WRN: variants seen among roughly 807,000 people sequenced by gnomAD.
WRN encodes the protein bifunctional 3'-5' exonuclease/ATP-dependent helicase WRN.
Under a neutral mutation model 180.7 loss-of-function variants are expected in WRN, and 149 were observed. The observed-to-expected ratio is 0.82, with a 90% CI of 0.72 to 0.94. WRN has a LOEUF of 0.94. Among genes scored for constraint, WRN ranks in the 40% least tolerant of loss-of-function variants. The pLI, the probability that WRN is intolerant of heterozygous loss-of-function variation, is 0.00. For synonymous variants in WRN, 548 were observed against 568.9 expected (o/e 0.96, Z 0.52); for missense variants, 1,661 against 1,700.1 (o/e 0.98, Z 0.40).
chr8:31,155,432 G>T (rs560519974), intron 32 of WRN, among the ~76,000 whole-genome samples: 106 of 152,136 alleles, frequency 7.0e-4, no homozygotes, highest in Non-Finnish European at 1.2e-3. Flanking sequence ...AGACCAGTTG[G>T]ACAACATAGG....
intron 1 of WRN, among the ~76,000 whole-genome samples, chr8:31,046,580 C>G (rs1811871755): frequency 6.6e-6 from 1 of 152,120 alleles, no homozygotes. Flanking sequence ...TGCATTTTTC[C>G]AATCTCTTCT....
chr8:31,080,375 A>G (rs1201162982), intron 8 of WRN, among the ~76,000 whole-genome samples: 2 of 152,144 alleles, frequency 1.3e-5, no homozygotes, highest in African/African-American at 4.8e-5. Flanking sequence ...CACCTGAAGC[A>G]ATCTGAGTGC....
At chr8:31,047,131 A>G (rs1298705281) in intron 1 of WRN, among the ~76,000 whole-genome samples, 1 of 147,238 alleles carries the variant, frequency 6.8e-6, no homozygotes. Context: ...TCTACCTGGC[A>G]ATGCTGATTT....
chr8:31,151,001 T>G (rs1392106620), intron 31 of WRN, among the ~76,000 whole-genome samples: 1 of 152,174 alleles, frequency 6.6e-6, no homozygotes, highest in Non-Finnish European at 1.5e-5. Context: ...GGATTTTCTC[T>G]AAACTCCACG....
rs1804200858 is a variant in WRN, at chr8:31,174,288, C to A, written c.*1186C>A. ...TGCATCTGCAATACCCTGTGAATATCCTGTGTGATGGAGTGGCAAGTACGC... is the reference window on the plus strand; with the variant it reads ...TGCATCTGCAATACCCTGTGAATATACTGTGTGATGGAGTGGCAAGTACGC... On this transcript the variant is annotated 3_prime_UTR_variant, in exon 35 of 35. Transcript: ENST00000298139. Among the ~76,000 whole-genome samples, 1 of 152,192 alleles carries A rather than the reference C, an allele frequency of 6.6e-6. No homozygotes were observed. The highest frequency in any genetic ancestry group is 6.5e-5 in the Admixed American group (1 of 15,278).
chr8:31,055,415 C>T (rs1356585780), intron 1 of WRN, among the ~76,000 whole-genome samples: 2 of 152,072 alleles, frequency 1.3e-5, no homozygotes, highest in African/African-American at 4.8e-5. Flanking sequence ...CCTGTTGTTT[C>T]TTGATTTTTT....
chr8:31,115,046 C>A (rs552431867), intron 19 of WRN, among the ~76,000 whole-genome samples: 1 of 152,108 alleles, frequency 6.6e-6, no homozygotes, highest in African/African-American at 2.4e-5. Flanking sequence ...CAGGTGCATG[C>A]CACCATGCCC....
In WRN at chr8:31,083,730, C is replaced by T. The variant is rs761035278; in HGVS notation, c.1301C>T (p.Thr434Met). The T allele has an allele frequency of 9.3e-6, 15 of 1,610,930 alleles. No individual in the cohort carries two copies. Among genetic ancestry groups the T allele is most frequent in the African/African-American group, 2.7e-5 (2 of 74,720 alleles). ...TCTCCCAATGATAATGAAAACGATA[C>T]GTCCTATGTAATTGAGAGTGATGAA... is the stretch of plus-strand genomic sequence containing the variant. ...HLSPNDNEND[T>M]SYVIESDEDL... Residue 434 changes from threonine (T) to methionine (M), a missense_variant, in exon 10 of 35, where the codon ACG (threonine) becomes ATG (methionine). By Grantham distance (81) the Thr-to-Met change is moderately conservative. Transcript: ENST00000298139.
At chr8:31,049,751 CCTCT>C (rs1333967374) in intron 1 of WRN, among the ~76,000 whole-genome samples, 1 of 151,974 alleles carries the variant, frequency 6.6e-6, no homozygotes, top group Non-Finnish European at 1.5e-5. Flanking sequence ...AGATTCCTGA[CCTCT>C]CTAAGGGGAT....
intron 5 of WRN, among the ~76,000 whole-genome samples, chr8:31,066,311 G>A (rs183227625): frequency 3.9e-4 from 60 of 151,970 alleles, no homozygotes; most frequent in African/African-American, 1.3e-3. Flanking sequence ...TCAGCCTCCC[G>A]AGTAGCTGGC....
At chr8:31,048,758 A>G (rs1323152897) in intron 1 of WRN, among the ~76,000 whole-genome samples, 1 of 152,212 alleles carries the variant, frequency 6.6e-6, no homozygotes, top group Non-Finnish European at 1.5e-5. Flanking sequence ...AAAGATTCTA[A>G]TGAAAATTAG....
At chr8:31,084,252 G>C (rs1198007054) in intron 10 of WRN, among the ~76,000 whole-genome samples, 1 of 152,074 alleles carries the variant, frequency 6.6e-6, no homozygotes, top group Non-Finnish European at 1.5e-5. Context: ...ACCCGCCTTG[G>C]CCTCCCAAAG....
chr8:31,052,216 G>A (rs1337759977), intron 1 of WRN, among the ~76,000 whole-genome samples: 2 of 152,046 alleles, frequency 1.3e-5, no homozygotes, highest in South Asian at 2.1e-4. Context: ...ACATACTTTT[G>A]TCCCCTGATT....
intron 8 of WRN, among the ~76,000 whole-genome samples, chr8:31,077,329 C>T (rs1264870385): frequency 1.3e-5 from 2 of 152,148 alleles, no homozygotes; most frequent in East Asian, 3.9e-4. Flanking sequence ...CAAGCTCCGC[C>T]TCCCGGGTTC....
intron 1 of WRN, among the ~76,000 whole-genome samples, chr8:31,052,011 T>C (rs1274227575): frequency 6.6e-6 from 1 of 152,258 alleles, no homozygotes; most frequent in Non-Finnish European, 1.5e-5. Context: ...GTAACGTTGT[T>C]ATGCTTAAGT....
chr8:31,147,840 C>T lies in WRN; in HGVS notation c.3572+364C>T, dbSNP rs994361241. Reference sequence around the variant, plus strand: ...TTAAAACCTCTGATCTGAATTTTCTCTCCTCCAATATAAAACCCCTTCGTC... The same window carrying T: ...TTAAAACCTCTGATCTGAATTTTCTTTCCTCCAATATAAAACCCCTTCGTC... On this transcript the variant is annotated intron_variant, in intron 30 of 34. Transcript: ENST00000298139. 4.6e-5 allele frequency among the ~76,000 whole-genome samples: 7 copies of T among 151,774 alleles called. No individual in the cohort carries two copies. In the East Asian group the frequency reaches 1.4e-3, roughly 29 times the overall value.
intron 8 of WRN, 39 bp from the exon 9 acceptor site, chr8:31,080,828 A>G (rs1043855844): frequency 2.6e-6 from 4 of 1,513,006 alleles, no homozygotes; most frequent in Non-Finnish European, 3.6e-6. Flanking sequence ...TAGTTAATGC[A>G]ATTGAAGTTG....
rs911919904 is a variant in WRN at position 31,062,410 on chromosome 8, T to A, written c.210-1879T>A. On this transcript the variant is annotated intron_variant, in intron 3 of 34. Coordinates refer to ENST00000298139, the MANE Select transcript of WRN (RefSeq NM_000553.6). ...TTTATCAAATCTTAATTTTCTTCAA[T>A]TTTTTTTTTTTTTTTTAATAGGGTC... Among the ~76,000 whole-genome samples the A allele has an allele frequency of 4.8e-5, 5 of 104,434 alleles. No individual in the cohort carries two copies. In the East Asian group the frequency reaches 9.3e-4, roughly 19 times the overall value. 68.5% of individuals were successfully genotyped at this position (104,434 alleles called of 152,430 possible).
chr8:31,171,203 G>T (rs1016293143), intron 34 of WRN: 1 of 151,986 alleles, frequency 6.6e-6, no homozygotes, highest in Admixed American at 6.6e-5. Context: ...CATGACTTAG[G>T]GTTTCTTCCT....
Sources: allele counts gnomAD v4.1 joint callset (sites outside exome capture counted in the v4.1 genomes callset), GRCh38; gene constraint gnomAD v4.1.1; transcripts MANE v1.5; gene names NCBI Gene and HGNC (gene_info 2026-07-23, HGNC 2026-07-21).